PPP1R13B: variants seen among roughly 807,000 people sequenced by gnomAD.
PPP1R13B encodes the protein apoptosis-stimulating of p53 protein 1.
Under a neutral mutation model 119.8 loss-of-function variants are expected in PPP1R13B, and 44 were observed. The ratio of observed to expected loss-of-function variants is 0.37; its 90% CI spans 0.29 to 0.47. PPP1R13B has a LOEUF of 0.47. Ranked by LOEUF, PPP1R13B falls within the 20% of genes least tolerant of loss-of-function variation. PPP1R13B has a pLI of 0.99. For synonymous variants in PPP1R13B, 542 were observed against 561.5 expected, an observed-to-expected ratio of 0.97 and a Z score of 0.49; for missense variants, 1,227 against 1,413.5, an observed-to-expected ratio of 0.87 and a Z score of 2.12.
Position 103,753,003 on chromosome 14 carries a change from T to C in PPP1R13B, c.825A>G (p.Leu275=), listed in dbSNP as rs761009334. 9.3e-6 allele frequency: 15 copies of C among 1,613,434 alleles called. 1 individual carries two copies. In the Admixed American group the frequency reaches 2.3e-4, roughly 25 times the overall value. The change falls in exon 7 of 17, where the codon CTA becomes CTG. Residue 275 remains leucine (L), a synonymous_variant. Transcript: ENST00000202556. ...CATTGCCAGACCCAGGAGTTACCTG[T>C]AGTTCTTGGTACAGTCTTTTTAACT... ...AVELKRLYQE[L]QIRNQLNQEQ...
chr14:103,791,646 C>T (rs1595778731), intron 2 of PPP1R13B, among the ~76,000 whole-genome samples: 1 of 152,198 alleles, frequency 6.6e-6, no homozygotes, highest in Admixed American at 6.5e-5. Context: ...ATAGCTTGAA[C>T]CCACGAGGTG....
intron 8 of PPP1R13B, 181 bp from the exon 9 acceptor site, chr14:103,746,734 C>T: frequency 2.0e-6 from 1 of 512,604 alleles, no homozygotes; most frequent in South Asian, 3.1e-5. Context: ...ACTGTAGCTT[C>T]CTATGAGCAA....
chr14:103,747,884 T>C (rs1485074307), intron 8 of PPP1R13B, among the ~76,000 whole-genome samples: 1 of 152,132 alleles, frequency 6.6e-6, no homozygotes, highest in Admixed American at 6.5e-5. Context: ...GTGGGCCCCA[T>C]CCAATCAGTG....
At chr14:103,778,292 GTC>G (rs766421773) in intron 4 of PPP1R13B, among the ~76,000 whole-genome samples, 1 of 112,388 alleles carries the variant, frequency 8.9e-6, no homozygotes, top group Non-Finnish European at 1.8e-5. Context: ...TTGACACGGA[GTC>G]TCTATTGCCC....
In PPP1R13B at chr14:103,784,854, C is replaced by G. The variant is rs543964072; in HGVS notation, c.218G>C (p.Arg73Thr). Residue 73 changes from arginine to threonine, a missense_variant, in exon 3 of 17, where the codon AGG becomes ACG. By Grantham distance (71) the Arg-to-Thr change is moderately conservative. Coordinates refer to ENST00000202556, the MANE Select transcript of PPP1R13B (RefSeq NM_015316.3). ...TCGAAGGAAAAATTTCACTTCTTCCCTCCGTGGACCCCATTTCTGAAGATG... is the reference window on the plus strand; with the variant it reads ...TCGAAGGAAAAATTTCACTTCTTCCGTCCGTGGACCCCATTTCTGAAGATG... ...YEHLQKWGPR[R>T]EEVKFFLRHE... The G allele has an allele frequency of 4.0e-5, 65 of 1,607,408 alleles. No homozygotes were observed. The South Asian group carries it at 6.3e-4, about 16-fold the overall frequency.
At chr14:103,793,691 T>A (rs748209054) in intron 2 of PPP1R13B, among the ~76,000 whole-genome samples, 1 of 151,856 alleles carries the variant, frequency 6.6e-6, no homozygotes, top group Non-Finnish European at 1.5e-5. Context: ...GAACTTTAAA[T>A]AAGGTTAAAA....
At chr14:103,795,888 C>T (rs904650567) in intron 2 of PPP1R13B, among the ~76,000 whole-genome samples, 1 of 152,044 alleles carries the variant, frequency 6.6e-6, no homozygotes, top group Non-Finnish European at 1.5e-5. Context: ...GTAAAAAGCA[C>T]AAGACCTTGC....
chr14:103,805,946 G>A (rs909010775), intron 1 of PPP1R13B, among the ~76,000 whole-genome samples: 1 of 152,174 alleles, frequency 6.6e-6, no homozygotes, highest in Non-Finnish European at 1.5e-5. Flanking sequence ...TTAGATTGTG[G>A]TGATGGCTGT....
intron 1 of PPP1R13B, among the ~76,000 whole-genome samples, chr14:103,843,826 G>A (rs916628722): frequency 6.6e-6 from 1 of 151,882 alleles, no homozygotes. Context: ...GGCGGCGCAC[G>A]CCTGTAGTCT....
At position 103,763,258 on chromosome 14, in the gene PPP1R13B, A is replaced by G; in HGVS notation, c.355-5507T>C. The stretch of plus-strand genomic sequence containing the variant: ...CTCAGTGGGCCTGTTGCTTTTCTCT[A>G]TGAAACGTCTGTAGCTTCTTAGCAC... On this transcript the variant is annotated intron_variant, in intron 4 of 16. Coordinates refer to ENST00000202556, the MANE Select transcript of PPP1R13B (RefSeq NM_015316.3). 6.1e-6 allele frequency: 3 copies of G among 494,608 alleles called. No homozygotes were observed. The South Asian group carries it at 6.9e-5, about 11-fold the overall frequency. 30.6% of individuals were successfully genotyped at this position (494,608 alleles called of 1,614,324 possible).
chr14:103,738,962 C>T lies in PPP1R13B; in HGVS notation c.2654G>A (p.Arg885Gln), dbSNP rs773959523. 6.6e-5 allele frequency: 107 copies of T among 1,613,980 alleles called. No individual in the cohort carries two copies. The highest frequency in any genetic ancestry group is 8.6e-5 in the Non-Finnish European group (102 of 1,180,024). The change falls in exon 13 of 17, where the codon CGG becomes CAG. Residue 885 changes from arginine to glutamine, a missense_variant. Arg to Gln is a conservative substitution (Grantham distance 43, BLOSUM62 1). Transcript: ENST00000202556. The surrounding 1 kb of genome is among the most constrained non-coding windows in gnomAD (Gnocchi z 5.6). ...SERTGHGLRV[R>Q]FNPLALLLDA... is the part of the protein sequence containing the mutation. ...TAGGAGCAGTGCCAGGGGGTTAAAC[C>T]GGACTCTCAGCCCGTGCCCCGTCCG...
rs118162822 is a variant in PPP1R13B, at chr14:103,817,789, C to T, written c.10-20271G>A. ...GATCCTGTCACTGCAGACAGACTGGCGTGTCCAAGGCCATGTGACTGAGAT... is the reference window on the plus strand; with the variant it reads ...GATCCTGTCACTGCAGACAGACTGGTGTGTCCAAGGCCATGTGACTGAGAT... On this transcript the variant is annotated intron_variant, in intron 1 of 16. Coordinates refer to ENST00000202556, the MANE Select transcript of PPP1R13B (RefSeq NM_015316.3). Among the ~76,000 whole-genome samples the T allele has an allele frequency of 6.6e-5, 10 of 152,108 alleles. No homozygotes were observed. The East Asian group carries it at 1.9e-3, about 29-fold the overall frequency.
chr14:103,792,182 GTGTGTGTGTGTGTGTGTGTA>G (rs972550733), intron 2 of PPP1R13B, among the ~76,000 whole-genome samples: 4 of 133,566 alleles, frequency 3.0e-5, no homozygotes, highest in African/African-American at 1.0e-4. Context: ...GTGTGTGTGT[GTGTGTGTGTGTGTGTGTGTA>G]TATTTTTTTA....
At chr14:103,831,618 C>T (rs1164499156) in intron 1 of PPP1R13B, among the ~76,000 whole-genome samples, 1 of 149,692 alleles carries the variant, frequency 6.7e-6, no homozygotes, top group East Asian at 2.0e-4. Flanking sequence ...GCCTCTTTTG[C>T]CTTTTTAAAG....
chr14:103,831,594 A>C (rs2086665363), intron 1 of PPP1R13B, among the ~76,000 whole-genome samples: 1 of 148,170 alleles, frequency 6.7e-6, no homozygotes, highest in Admixed American at 6.7e-5. Context: ...TATAGGCGTG[A>C]GCCACCATGC....
Position 103,734,740 on chromosome 14 carries a change from CA to C in PPP1R13B, c.*413del, listed in dbSNP as rs2084047411. ...GAGTGTCCGATTCGGTGACGGGGGG[CA>C]GGGCGGTCGCAGGGGAGCAGGCCTC... On this transcript the variant is annotated 3_prime_UTR_variant, in exon 17 of 17. Coordinates refer to ENST00000202556, the MANE Select transcript of PPP1R13B (RefSeq NM_015316.3). 1 of 461,938 alleles carries C rather than the reference CA, an allele frequency of 2.2e-6. No homozygotes were observed. Among genetic ancestry groups the C allele is most frequent in the African/African-American group, 2.0e-5 (1 of 50,302 alleles). The allele number at this position is 461,938 out of a possible 1,614,324, so 28.6% of individuals were successfully genotyped here.
intron 1 of PPP1R13B, among the ~76,000 whole-genome samples, chr14:103,830,056 C>A (rs776296882): frequency 5.3e-5 from 8 of 151,406 alleles, no homozygotes; most frequent in Non-Finnish European, 8.8e-5. Context: ...GGATTACAGG[C>A]ATGAGCCACC....
At chr14:103,808,837 G>A (rs570895188) in intron 1 of PPP1R13B, among the ~76,000 whole-genome samples, 3 of 152,018 alleles carry the variant, frequency 2.0e-5, no homozygotes, top group South Asian at 2.1e-4. Context: ...ACCCTCTTAC[G>A]AAGGCAGAGA....
intron 4 of PPP1R13B, among the ~76,000 whole-genome samples, chr14:103,758,242 T>C (rs560349662): frequency 1.3e-5 from 2 of 152,306 alleles, no homozygotes; most frequent in Admixed American, 1.3e-4. Flanking sequence ...GAAGAACACA[T>C]CATCCGAGAG....
Sources: allele counts gnomAD v4.1 joint callset (sites outside exome capture counted in the v4.1 genomes callset), GRCh38; gene constraint gnomAD v4.1.1; non-coding constraint Gnocchi (gnomAD v3.1); transcripts MANE v1.5; gene names NCBI Gene and HGNC (gene_info 2026-07-23, HGNC 2026-07-21).